TRMT44: variants seen among roughly 807,000 people sequenced by gnomAD.
The protein encoded by TRMT44 is tRNA methyltransferase 44 homolog.
A neutral mutation model predicts 77.3 loss-of-function variants in TRMT44; 78 were observed. The observed-to-expected ratio is 1.01, with a 90% CI of 0.84 to 1.22. The LOEUF is 1.22. TRMT44 is among the 50% of genes most tolerant of loss of function. The pLI is 0.00. For synonymous variants in TRMT44, 391 were observed against 383.3 expected (o/e 1.02, Z -0.23); for missense variants, 1,090 against 964.4 (o/e 1.13, Z -1.73).
At chr4:8,499,021 G>A in the TRMT44 span, among the ~76,000 whole-genome samples, 3 of 152,270 alleles carry the variant, frequency 2.0e-5, no homozygotes, top group Admixed American at 2.0e-4. Context: ...TGGTTCTGTG[G>A]CTCCAGGTGC....
At chr4:8,470,087 G>A (rs1432164543) in intron 9 of TRMT44, among the ~76,000 whole-genome samples, 1 of 152,270 alleles carries the variant, frequency 6.6e-6, no homozygotes, top group Non-Finnish European at 1.5e-5. Flanking sequence ...GAGATTCCCT[G>A]TTATGGAGTC....
intron 3 of TRMT44, among the ~76,000 whole-genome samples, chr4:8,450,224 C>T (rs1725353126): frequency 6.6e-6 from 1 of 151,992 alleles, no homozygotes; most frequent in Non-Finnish European, 1.5e-5. Context: ...GTGTGAGCCA[C>T]CGTGTCCAGC....
intron 2 of TRMT44, among the ~76,000 whole-genome samples, chr4:8,487,094 CTGTT>C (rs1560250504): frequency 6.6e-6 from 1 of 152,108 alleles, no homozygotes; most frequent in East Asian, 1.9e-4. Flanking sequence ...GCACATCAGA[CTGTT>C]TGCTATTTTA....
Position 8,446,716 on chromosome 4 carries a change from G to A in TRMT44, c.734+126G>A. Reference sequence around the variant, plus strand: ...TGAGGTGGTTATGGTTTGTAGGAATGCAGTTGCTAGCTTATGTGCCCAGGC... The same window carrying A: ...TGAGGTGGTTATGGTTTGTAGGAATACAGTTGCTAGCTTATGTGCCCAGGC... On this transcript the variant is annotated intron_variant, in intron 2 of 10. Coordinates refer to ENST00000389737, the MANE Select transcript of TRMT44 (RefSeq NM_152544.3). The surrounding 1 kb of genome is among the most constrained non-coding windows in gnomAD (Gnocchi z 4.3). The A allele has an allele frequency of 3.2e-6, 2 of 620,450 alleles. No individual in the cohort carries two copies. The highest frequency in any genetic ancestry group is 2.1e-5 in the South Asian group (1 of 47,128). 38.4% of individuals were successfully genotyped at this position (620,450 alleles called of 1,614,324 possible). A position where few individuals can be genotyped will look rare whatever the true frequency, so the allele number is the denominator to read the frequency against.
chr4:8,475,684 C>T, intron 10 of TRMT44, 88 bp from the exon 11 acceptor site: 2 of 1,275,234 alleles, frequency 1.6e-6, no homozygotes, highest in South Asian at 1.3e-5. Context: ...ATTGGCACCT[C>T]CCGTGGCGTG....
chr4:8,513,894 T>C, the TRMT44 span, among the ~76,000 whole-genome samples: 1 of 152,172 alleles, frequency 6.6e-6, no homozygotes, highest in South Asian at 2.1e-4. Context: ...AAGTGCTGTG[T>C]GGAGCAGCCA....
intron 9 of TRMT44, among the ~76,000 whole-genome samples, chr4:8,470,761 C>T (rs1726924414): frequency 1.3e-5 from 2 of 152,222 alleles, no homozygotes; most frequent in Non-Finnish European, 2.9e-5. Flanking sequence ...AACAGCCACC[C>T]CCCTTCATGG....
rs191137981 is a variant in TRMT44 at position 8,452,763 on chromosome 4, A to G, written c.1024-119A>G. ...AAAAGAAAAAAAAAAAAGAATGTTTAGTGTAGATGATTTCAAGTTTCCTTT... is the reference window on the plus strand; with the variant it reads ...AAAAGAAAAAAAAAAAAGAATGTTTGGTGTAGATGATTTCAAGTTTCCTTT... On this transcript the variant is annotated intron_variant, in intron 4 of 10. Transcript: ENST00000389737. This position sits in a 1 kb window ranked among gnomAD's most constrained non-coding sequence, Gnocchi z 5.7. 212 of 549,442 alleles carry G rather than the reference A, an allele frequency of 3.9e-4. 3 individuals carry two copies. Among genetic ancestry groups the G allele is most frequent in the African/African-American group, 3.7e-3 (188 of 50,440 alleles). 34.0% of individuals were successfully genotyped at this position (549,442 alleles called of 1,614,324 possible).
the TRMT44 span, among the ~76,000 whole-genome samples, chr4:8,500,863 T>C: frequency 8.5e-5 from 13 of 152,320 alleles, no homozygotes; most frequent in African/African-American, 3.1e-4. Flanking sequence ...GGTTTCACCA[T>C]GTTGACCAGG....
At chr4:8,493,485 T>C (rs1728068881) in exon 3 of TRMT44, 1 of 152,170 alleles carries the variant, frequency 6.6e-6, no homozygotes, top group African/African-American at 2.4e-5. Flanking sequence ...AGAGACTGAT[T>C]TGAATAATAA....
In TRMT44 at chr4:8,490,639, TC is replaced by T. The variant is rs527368180; in HGVS notation, n.3892-2626del. On this transcript the variant is annotated intron_variant and non_coding_transcript_variant, in intron 2 of 2. Transcript: ENST00000511366. ...GCTTCAGGAGTGAAGCTGCAGACCT[TC>T]GCGGTGAGTGTTACAGCTCATAAAA... Among the ~76,000 whole-genome samples, 23 of 152,302 alleles carry T rather than the reference TC, an allele frequency of 1.5e-4. No individual in the cohort carries two copies. The East Asian group carries it at 4.4e-3, about 29-fold the overall frequency.
At chr4:8,496,725 C>A (rs1363956491), downstream of TRMT44, among the ~76,000 whole-genome samples, 1 of 151,802 alleles carries the variant, frequency 6.6e-6, no homozygotes, top group African/African-American at 2.4e-5. Context: ...GAGGACTGAG[C>A]CTCAGGGGCA....
downstream of TRMT44, among the ~76,000 whole-genome samples, chr4:8,496,368 C>T (rs1159000647): frequency 6.6e-6 from 1 of 152,244 alleles, no homozygotes; most frequent in Non-Finnish European, 1.5e-5. Flanking sequence ...CTTTCTTGTT[C>T]TTATCCCGGC....
downstream of TRMT44, chr4:8,476,635 T>TACGGC: frequency 6.6e-6 from 1 of 152,494 alleles, no homozygotes; most frequent in Non-Finnish European, 1.5e-5. Context: ...ATATCACAGA[T>TACGGC]GACAAAGGTA....
the TRMT44 span, among the ~76,000 whole-genome samples, chr4:8,503,074 GGC>G: frequency 6.6e-6 from 1 of 152,236 alleles, no homozygotes; most frequent in East Asian, 1.9e-4. Flanking sequence ...TTTGGTTTCT[GGC>G]TGTGACCCTG....
At chr4:8,499,410 G>T in the TRMT44 span, among the ~76,000 whole-genome samples, 13 of 152,272 alleles carry the variant, frequency 8.5e-5, no homozygotes, top group African/African-American at 2.6e-4. Flanking sequence ...TTGTCCTCCT[G>T]CACCTGCCAT....
In TRMT44 at chr4:8,445,841, A is replaced by AT. The variant is rs200059420; in HGVS notation, c.620-626dup. ...ATATTCCTCTTTAACAGAGTTTGCAATTTTTTTTTAATATCAAAGGTAAAC... is the reference window on the plus strand; with the variant it reads ...ATATTCCTCTTTAACAGAGTTTGCAATTTTTTTTTTAATATCAAAGGTAAAC... On this transcript the variant is annotated intron_variant, in intron 1 of 10. Coordinates refer to ENST00000389737, the MANE Select transcript of TRMT44 (RefSeq NM_152544.3). 8.0e-3 allele frequency among the ~76,000 whole-genome samples: 1,215 copies of AT among 151,852 alleles called. 18 individuals carry two copies. The highest frequency in any genetic ancestry group is 0.028 in the African/African-American group (1,164 of 41,410).
downstream of TRMT44, among the ~76,000 whole-genome samples, chr4:8,494,718 C>T (rs1277001317): frequency 1.3e-5 from 2 of 152,118 alleles, no homozygotes; most frequent in East Asian, 1.9e-4. Context: ...GTGTCCTTAA[C>T]CTGGGCAAAA....
At chr4:8,462,689 G>A (rs1726245477) in intron 6 of TRMT44, among the ~76,000 whole-genome samples, 1 of 152,200 alleles carries the variant, frequency 6.6e-6, no homozygotes, top group Non-Finnish European at 1.5e-5. Context: ...TGGTGACGGA[G>A]CAAGACTCCG....
Sources: gnomAD v4.1 joint callset for allele counts (sites outside exome capture counted in the v4.1 genomes callset) on GRCh38, gnomAD v4.1.1 for gene constraint, Gnocchi (gnomAD v3.1) non-coding constraint, MANE v1.5 for transcripts, NCBI Gene and HGNC (gene_info 2026-07-23, HGNC 2026-07-21) for gene names.